The following MIS18BP1 variants were observed in gnomAD, a reference collection of about 807,000 sequenced individuals.
MIS18BP1 encodes the protein mis18-binding protein 1.
MIS18BP1 carries 72 observed loss-of-function variants against 116.1 expected under a neutral mutation model. The ratio of observed to expected loss-of-function variants is 0.62; its 90% CI spans 0.51 to 0.75. The LOEUF (loss-of-function observed/expected upper bound fraction) is 0.75, where lower values mean the gene tolerates loss of function less well. Ranked by LOEUF, MIS18BP1 falls within the 30% of genes least tolerant of loss-of-function variation. The probability of loss-of-function intolerance (pLI) is 0.00; values close to 1 mark genes in which losing one functional copy is unlikely to be tolerated. For synonymous variants in MIS18BP1, 386 were observed against 427.0 expected (o/e 0.90, Z 1.18); for missense variants, 1,363 against 1,303.2 (o/e 1.05, Z -0.71).
chr14:45,252,491 G>T (rs1251422568), intron 1 of MIS18BP1, among the ~76,000 whole-genome samples: 1 of 152,166 alleles, frequency 6.6e-6, no homozygotes, highest in Non-Finnish European at 1.5e-5. Flanking sequence ...ATCTTTGAAG[G>T]CCAGGATGAA....
At chr14:45,246,092 T>G (rs934168973) in intron 2 of MIS18BP1, among the ~76,000 whole-genome samples, 1 of 152,162 alleles carries the variant, frequency 6.6e-6, no homozygotes, top group Non-Finnish European at 1.5e-5. Context: ...AGTGACATTT[T>G]AAAAACATTG....
chr14:45,250,229 T>C (rs1329608874), intron 1 of MIS18BP1: 6 of 152,190 alleles, frequency 3.9e-5, no homozygotes, highest in African/African-American at 1.2e-4. Context: ...AAACAGAAAG[T>C]TGCTCTAGGA....
At chr14:45,238,569 C>A (rs987467108) in intron 4 of MIS18BP1, among the ~76,000 whole-genome samples, 1 of 152,130 alleles carries the variant, frequency 6.6e-6, no homozygotes, top group African/African-American at 2.4e-5. Context: ...GTTGCTTAAA[C>A]CTGTAATCCC....
chr14:45,223,634 G>A (rs929209149), intron 11 of MIS18BP1, among the ~76,000 whole-genome samples: 12 of 152,012 alleles, frequency 7.9e-5, no homozygotes, highest in African/African-American at 2.9e-4. Context: ...ATGAAGCTAC[G>A]TGAGAGAGTA....
chr14:45,216,447 A>T (rs183409339), intron 13 of MIS18BP1, among the ~76,000 whole-genome samples: 5 of 152,284 alleles, frequency 3.3e-5, no homozygotes, highest in African/African-American at 4.8e-5. Flanking sequence ...CACTTCCCCA[A>T]GTGTTTATTC....
intron 11 of MIS18BP1, among the ~76,000 whole-genome samples, chr14:45,221,272 A>G (rs1890966268): frequency 6.6e-6 from 1 of 152,016 alleles, no homozygotes; most frequent in African/African-American, 2.4e-5. Flanking sequence ...CCCCGTCTCT[A>G]CTGAAAATAC....
At position 45,247,179 on chromosome 14, in the gene MIS18BP1, T is replaced by A. The variant is rs948822064; in HGVS notation, c.108A>T (p.Ser36=). 4 of 1,612,906 alleles carry A rather than the reference T, an allele frequency of 2.5e-6. No homozygotes were observed. The highest frequency in any genetic ancestry group is 3.4e-6 in the Non-Finnish European group (4 of 1,179,956). ...AATCTTTTACAGGAGTAAGTGTGCCTGAAGGAATGCTGTCAAAAAAGATTG... is the reference window on the plus strand; with the variant it reads ...AATCTTTTACAGGAGTAAGTGTGCCAGAAGGAATGCTGTCAAAAAAGATTG... ...MDAIFFDSIP[S]GTLTPVKDLV... The change falls in exon 2 of 17, where the codon TCA becomes TCT. Residue 36 remains serine (S), a synonymous_variant. Transcript: ENST00000310806.
chr14:45,250,907 C>T (rs546450876), intron 1 of MIS18BP1, among the ~76,000 whole-genome samples: 1 of 152,084 alleles, frequency 6.6e-6, no homozygotes, highest in African/African-American at 2.4e-5. Flanking sequence ...CGTGGTGACA[C>T]GCGCCTGTAT....
At chr14:45,243,713 A>C (rs1288477865) in intron 2 of MIS18BP1, among the ~76,000 whole-genome samples, 1 of 152,262 alleles carries the variant, frequency 6.6e-6, no homozygotes, top group South Asian at 2.1e-4. Context: ...ATAAGTTTCT[A>C]TATCTTTAAC....
intron 5 of MIS18BP1, 130 bp from the exon 6 acceptor site, chr14:45,236,074 C>T: frequency 1.2e-6 from 1 of 831,002 alleles, no homozygotes; most frequent in Non-Finnish European, 1.9e-6. Context: ...ATTTGAAGGC[C>T]AAACATTACA....
At chr14:45,232,482 G>T in intron 7 of MIS18BP1, 1 of 357,704 alleles carries the variant, frequency 2.8e-6, no homozygotes, top group South Asian at 3.0e-5. Flanking sequence ...CCTAAAACAG[G>T]TGCACTTAAT....
chr14:45,213,001 T>C (rs1890717020), intron 13 of MIS18BP1, among the ~76,000 whole-genome samples: 1 of 152,256 alleles, frequency 6.6e-6, no homozygotes, highest in Non-Finnish European at 1.5e-5. Context: ...GCACTAAAAC[T>C]TGCCTCAGTT....
chr14:45,248,268 T>C (rs1891779908), intron 1 of MIS18BP1, among the ~76,000 whole-genome samples: 2 of 152,036 alleles, frequency 1.3e-5, no homozygotes, highest in Admixed American at 6.6e-5. Flanking sequence ...GGTTTCTCCA[T>C]GTTGGTCAGG....
intron 10 of MIS18BP1, among the ~76,000 whole-genome samples, chr14:45,225,276 C>T (rs1168185490): frequency 2.0e-5 from 3 of 152,126 alleles, no homozygotes; most frequent in African/African-American, 7.2e-5. Context: ...TTCCAGAATA[C>T]TTTAAATAAT....
At chr14:45,218,019 A>C (rs1291046107) in intron 12 of MIS18BP1, among the ~76,000 whole-genome samples, 2 of 152,170 alleles carry the variant, frequency 1.3e-5, no homozygotes, top group East Asian at 3.9e-4. Context: ...CCCTTAGAAC[A>C]ATAATTCAGA....
intron 12 of MIS18BP1, 121 bp from the exon 13 acceptor site, chr14:45,217,300 C>T: frequency 8.6e-7 from 1 of 1,164,860 alleles, no homozygotes; most frequent in Non-Finnish European, 1.2e-6. Flanking sequence ...CCAAAAAACT[C>T]AGCCTTGGCC....
chr14:45,229,728 A>C (rs941358405), intron 8 of MIS18BP1, among the ~76,000 whole-genome samples: 1 of 152,194 alleles, frequency 6.6e-6, no homozygotes, highest in Non-Finnish European at 1.5e-5. Context: ...AAAGACCAAC[A>C]AATGATTAAA....
At position 45,246,884 on chromosome 14, in the gene MIS18BP1, T is replaced by G. The variant is rs772980959; in HGVS notation, c.403A>C (p.Ser135Arg). 72 of 1,612,694 alleles carry G rather than the reference T, an allele frequency of 4.5e-5. No individual in the cohort carries two copies. The highest frequency in any genetic ancestry group is 1.0e-4 in the Admixed American group (6 of 59,750). The change falls in exon 2 of 17, where the codon AGT becomes CGT. Residue 135 changes from serine to arginine, a missense_variant. Physicochemically the swap from Ser to Arg is moderately radical, Grantham distance 110. Coordinates refer to ENST00000310806, the MANE Select transcript of MIS18BP1 (RefSeq NM_018353.5). Reference sequence around the variant, plus strand: ...CCACTTTTCTGTGGTTCCAACAAACTACTGTTTCTTGATGGCTGTTCTTGC... The same window carrying G: ...CCACTTTTCTGTGGTTCCAACAAACGACTGTTTCTTGATGGCTGTTCTTGC... ...DKQEQPSRNS[S>R]LLEPQKSGNN...
intron 8 of MIS18BP1, among the ~76,000 whole-genome samples, chr14:45,229,527 G>A (rs1891218699): frequency 6.6e-6 from 1 of 151,622 alleles, no homozygotes; most frequent in East Asian, 1.9e-4. Context: ...AAATTGCTGA[G>A]TGATTTTCCT....
Sources: allele counts gnomAD v4.1 joint callset (sites outside exome capture counted in the v4.1 genomes callset), GRCh38; gene constraint gnomAD v4.1.1; transcripts MANE v1.5; gene names NCBI Gene and HGNC (gene_info 2026-07-23, HGNC 2026-07-21).